Variants in CEP112 observed in about 807,000 individuals in gnomAD.
The protein encoded by CEP112 is centrosomal protein 112, also known as centrosomal protein of 112 kDa.
In CEP112, 127 loss-of-function variants were observed where a neutral mutation model predicts 153.0. That is an observed-to-expected ratio of 0.83 (90% CI 0.72 to 0.96). The LOEUF (loss-of-function observed/expected upper bound fraction) is 0.96, where lower values mean the gene tolerates loss of function less well. Ranked by LOEUF, CEP112 falls within the 40% of genes least tolerant of loss-of-function variation. The pLI is 0.00. For missense variants in CEP112, 1,089 were observed against 1,101.2 expected (o/e 0.99, Z 0.16); for synonymous variants, 358 against 374.4 (o/e 0.96, Z 0.51).
In CEP112 at chr17:66,043,008, G is replaced by A. The variant is rs62063453; in HGVS notation, c.1218+10728C>T. 5.3e-3 allele frequency: 3,852 copies of A among 729,046 alleles called. 17 individuals carry two copies. Among genetic ancestry groups the A allele is most frequent in the Non-Finnish European group, 6.0e-3 (3,590 of 596,044 alleles). 45.2% of individuals were successfully genotyped at this position (729,046 alleles called of 1,614,324 possible). ...TCAGTGTGTCCATGAGTAGTTCTATGAATTATCATATGTCACTACTAACAT... is the reference window on the plus strand; with the variant it reads ...TCAGTGTGTCCATGAGTAGTTCTATAAATTATCATATGTCACTACTAACAT... On this transcript the variant is annotated intron_variant, in intron 12 of 26. Coordinates refer to ENST00000535342, the MANE Select transcript of CEP112 (RefSeq NM_001199165.4).
intron 16 of CEP112, among the ~76,000 whole-genome samples, chr17:66,027,004 A>T (rs546721814): frequency 1.3e-5 from 2 of 152,354 alleles, no homozygotes; most frequent in African/African-American, 4.8e-5. Context: ...CTAATAATTG[A>T]ACTGAAGCAG....
chr17:66,080,612 C>T (rs2067678581), intron 8 of CEP112, among the ~76,000 whole-genome samples: 1 of 152,170 alleles, frequency 6.6e-6, no homozygotes, highest in African/African-American at 2.4e-5. Context: ...GGAGATTCCT[C>T]AAGGATCTAG....
At chr17:66,185,115 G>A (rs576842182) in intron 1 of CEP112, among the ~76,000 whole-genome samples, 3 of 152,260 alleles carry the variant, frequency 2.0e-5, no homozygotes, top group East Asian at 1.9e-4. Flanking sequence ...ACAAAGAAAC[G>A]ATTTGGCATG....
chr17:65,655,004 G>A (rs573001041), intron 24 of CEP112: 3 of 698,152 alleles, frequency 4.3e-6, no homozygotes, highest in African/African-American at 1.8e-5. Context: ...AGAAGAACAG[G>A]CCCTTATCAT....
chr17:66,138,549 A>G (rs1224494284), intron 4 of CEP112, among the ~76,000 whole-genome samples: 1 of 152,204 alleles, frequency 6.6e-6, no homozygotes, highest in African/African-American at 2.4e-5. Flanking sequence ...TTAAAAGGTG[A>G]AAATCGGGAC....
chr17:66,034,970 T>G (rs1198416701), intron 12 of CEP112, among the ~76,000 whole-genome samples: 1 of 96,758 alleles, frequency 1.0e-5, no homozygotes, highest in South Asian at 5.5e-4. Context: ...AGCTAAGTTT[T>G]TGCATGTATA....
chr17:65,787,344 A>T (rs1441363072), intron 21 of CEP112, among the ~76,000 whole-genome samples: 2 of 152,128 alleles, frequency 1.3e-5, no homozygotes, highest in Non-Finnish European at 2.9e-5. Context: ...TCAGCTGGGC[A>T]TGGTGGTGTG....
chr17:66,161,218 C>T (rs1416802075), intron 4 of CEP112, among the ~76,000 whole-genome samples: 3 of 152,172 alleles, frequency 2.0e-5, no homozygotes, highest in Non-Finnish European at 4.4e-5. Flanking sequence ...AATAGGAATG[C>T]TTTTACACTG....
intron 17 of CEP112, among the ~76,000 whole-genome samples, chr17:65,970,397 C>CA (rs547146501): frequency 0.071 from 51 of 718 alleles, 7 homozygotes; most frequent in African/African-American, 0.093. Context: ...ATATTACATG[C>CA]ATGCACACAT....
At chr17:66,030,568 T>G (rs1451051009) in intron 12 of CEP112, among the ~76,000 whole-genome samples, 1 of 152,170 alleles carries the variant, frequency 6.6e-6, no homozygotes. Flanking sequence ...TGCAAGATTT[T>G]TATTCATTTT....
chr17:65,916,250 AGTGTGTGTGTGTGT>A (rs3222034), intron 19 of CEP112, among the ~76,000 whole-genome samples: 25 of 129,956 alleles, frequency 1.9e-4, no homozygotes, highest in African/African-American at 4.3e-4. Flanking sequence ...TTTGAAAAAG[AGTGTGTGTGTGTGT>A]GTGTGTGTGT....
At chr17:66,048,889 G>C (rs1437615433) in intron 12 of CEP112, among the ~76,000 whole-genome samples, 1 of 152,156 alleles carries the variant, frequency 6.6e-6, no homozygotes, top group Non-Finnish European at 1.5e-5. Context: ...GATTACAGGG[G>C]AGAGCCACCA....
intron 17 of CEP112, among the ~76,000 whole-genome samples, chr17:65,976,644 C>A (rs1399118701): frequency 6.7e-6 from 1 of 150,226 alleles, no homozygotes; most frequent in African/African-American, 2.4e-5. Flanking sequence ...TGTATTTGTT[C>A]TTAAAAAGAT....
intron 4 of CEP112, among the ~76,000 whole-genome samples, chr17:66,154,515 G>GA (rs2071352929): frequency 6.6e-6 from 1 of 151,880 alleles, no homozygotes; most frequent in Non-Finnish European, 1.5e-5. Flanking sequence ...ACTCTGTGTA[G>GA]AAAAAATAAA....
chr17:65,899,191 C>T (rs896177228), intron 20 of CEP112, among the ~76,000 whole-genome samples: 9 of 152,148 alleles, frequency 5.9e-5, no homozygotes, highest in Middle Eastern at 3.4e-3. Context: ...GAGAAATATT[C>T]GACAATGAGG....
intron 17 of CEP112, among the ~76,000 whole-genome samples, chr17:65,993,693 A>G (rs2063679185): frequency 2.0e-5 from 3 of 152,234 alleles, no homozygotes; most frequent in Non-Finnish European, 4.4e-5. Flanking sequence ...ATACACAACA[A>G]TATAAATGAA....
intron 18 of CEP112, among the ~76,000 whole-genome samples, chr17:65,932,803 C>T (rs1012726037): frequency 1.3e-5 from 2 of 152,022 alleles, no homozygotes; most frequent in Non-Finnish European, 2.9e-5. Context: ...GGAGAACCCG[C>T]CCCCATGATT....
chr17:66,119,902 T>G (rs968283393), intron 6 of CEP112, among the ~76,000 whole-genome samples: 8 of 152,180 alleles, frequency 5.3e-5, no homozygotes, highest in African/African-American at 1.9e-4. Context: ...GTCAGGTCTT[T>G]GTTTGTTTTC....
At chr17:66,177,496 A>G (rs879524801) in intron 2 of CEP112, among the ~76,000 whole-genome samples, 5 of 152,272 alleles carry the variant, frequency 3.3e-5, no homozygotes, top group Non-Finnish European at 5.9e-5. Flanking sequence ...ATATTTTGAT[A>G]CAGGCATGTA....
Sources: allele counts gnomAD v4.1 joint callset (sites outside exome capture counted in the v4.1 genomes callset), GRCh38; gene constraint gnomAD v4.1.1; transcripts MANE v1.5; gene names NCBI Gene and HGNC (gene_info 2026-07-23, HGNC 2026-07-21).